SHISA6: variants seen among roughly 807,000 people sequenced by gnomAD.
SHISA6 encodes the protein shisa family member 6.
SHISA6 carries 22 observed loss-of-function variants against 47.9 expected under a neutral mutation model. That is an observed-to-expected ratio of 0.46 (90% CI 0.33 to 0.66). The LOEUF is 0.66. Ranked by LOEUF, SHISA6 falls within the 30% of genes least tolerant of loss-of-function variation. The probability of loss-of-function intolerance (pLI) is 0.02; values close to 1 mark genes in which losing one functional copy is unlikely to be tolerated. For missense variants in SHISA6, 680 were observed against 764.6 expected (o/e 0.89, Z 1.30); for synonymous variants, 388 against 337.8 (o/e 1.15, Z -1.63).
intron 2 of SHISA6, among the ~76,000 whole-genome samples, chr17:11,362,258 G>A (rs1342920935): frequency 1.3e-5 from 2 of 152,042 alleles, no homozygotes; most frequent in African/African-American, 4.8e-5. Flanking sequence ...TCCTGCCCAA[G>A]CCTCCTGAGT....
chr17:11,511,643 A>G (rs2071542656), intron 3 of SHISA6, among the ~76,000 whole-genome samples: 1 of 152,110 alleles, frequency 6.6e-6, no homozygotes, highest in African/African-American at 2.4e-5. Context: ...TGTTATCTAC[A>G]TTTTCAAAGC....
rs1159648786 is a variant in SHISA6 at position 11,263,367 on chromosome 17, G to C, written c.640G>C (p.Ala214Pro). The C allele has an allele frequency of 6.4e-7, 1 of 1,551,900 alleles. No homozygotes were observed. The highest frequency in any genetic ancestry group is 1.4e-5 in the African/African-American group (1 of 72,968). The change falls in exon 2 of 6, where the codon GCT (alanine) becomes CCT (proline). Residue 214 changes from alanine (A) to proline (P), a missense_variant and splice_region_variant. Ala to Pro is a conservative substitution (Grantham distance 27). Transcript: ENST00000441885. Reference sequence around the variant, plus strand: ...TTATGTGATCTCCTCCTTGTTTAGGGCTCTGGCTGACATCTTAAGACAACA... The same window carrying C: ...TTATGTGATCTCCTCCTTGTTTAGGCCTCTGGCTGACATCTTAAGACAACA... ...RPPREMNIHR[A>P]LADILRQQGP...
At chr17:11,319,660 T>A (rs563568485) in intron 2 of SHISA6, among the ~76,000 whole-genome samples, 1 of 152,310 alleles carries the variant, frequency 6.6e-6, no homozygotes, top group East Asian at 1.9e-4. Flanking sequence ...TGAAAGAAAA[T>A]GATAACATAG....
At chr17:11,375,215 T>C (rs1912760842) in intron 2 of SHISA6, among the ~76,000 whole-genome samples, 1 of 152,212 alleles carries the variant, frequency 6.6e-6, no homozygotes, top group African/African-American at 2.4e-5. Flanking sequence ...AGAAAAACTA[T>C]TAACTTGTAA....
chr17:11,426,596 A>G (rs1341121649), intron 3 of SHISA6, among the ~76,000 whole-genome samples: 1 of 152,206 alleles, frequency 6.6e-6, no homozygotes, highest in Non-Finnish European at 1.5e-5. Context: ...GATTGTGTAA[A>G]CCATTTATTG....
intron 3 of SHISA6, among the ~76,000 whole-genome samples, chr17:11,544,647 GT>G (rs1295835159): frequency 2.0e-5 from 3 of 152,136 alleles, no homozygotes; most frequent in Non-Finnish European, 4.4e-5. Flanking sequence ...ATGGAAAACA[GT>G]TTGGAAGATT....
chr17:11,550,167 G>A (rs1245640861), intron 3 of SHISA6, among the ~76,000 whole-genome samples: 1 of 151,882 alleles, frequency 6.6e-6, no homozygotes, highest in Admixed American at 6.6e-5. Flanking sequence ...TGATTCTCCT[G>A]CCTCAGCCTC....
chr17:11,265,063 A>T (rs1302932458), intron 2 of SHISA6, among the ~76,000 whole-genome samples: 1 of 152,166 alleles, frequency 6.6e-6, no homozygotes, highest in Non-Finnish European at 1.5e-5. Context: ...CAATAGAAGG[A>T]ATCTTGGCAA....
chr17:11,302,019 A>C (rs1909945767), intron 2 of SHISA6, among the ~76,000 whole-genome samples: 1 of 151,966 alleles, frequency 6.6e-6, no homozygotes, highest in Non-Finnish European at 1.5e-5. Flanking sequence ...AAAAACGGAA[A>C]CCCCTGATAA....
At chr17:11,285,839 T>A (rs180960059) in intron 2 of SHISA6, among the ~76,000 whole-genome samples, 2 of 143,578 alleles carry the variant, frequency 1.4e-5, no homozygotes, top group African/African-American at 5.4e-5. Flanking sequence ...CTCTCTCTCT[T>A]TTTTTTTTTT....
At chr17:11,310,702 C>T (rs113648026) in intron 2 of SHISA6, among the ~76,000 whole-genome samples, 3 of 152,056 alleles carry the variant, frequency 2.0e-5, no homozygotes, top group East Asian at 1.9e-4. Context: ...GGGCTGGGCG[C>T]GGTGGCTCAT....
chr17:11,409,501 C>T (rs1451908101), intron 3 of SHISA6, among the ~76,000 whole-genome samples: 2 of 151,716 alleles, frequency 1.3e-5, no homozygotes, highest in East Asian at 1.9e-4. Flanking sequence ...GTCAGGAGTT[C>T]CAGACCAGCC....
intron 2 of SHISA6, among the ~76,000 whole-genome samples, chr17:11,361,607 A>G (rs1250271999): frequency 6.6e-6 from 1 of 152,214 alleles, no homozygotes; most frequent in Non-Finnish European, 1.5e-5. Flanking sequence ...TGTTTTGCTT[A>G]CCCAGTTGAT....
chr17:11,459,037 C>A (rs1474444763), intron 3 of SHISA6, among the ~76,000 whole-genome samples: 1 of 145,246 alleles, frequency 6.9e-6, no homozygotes. Flanking sequence ...CGGTGAAACC[C>A]CGTCTCTACT....
At chr17:11,436,604 G>T (rs1468303302) in intron 3 of SHISA6, among the ~76,000 whole-genome samples, 1 of 152,012 alleles carries the variant, frequency 6.6e-6, no homozygotes, top group Non-Finnish European at 1.5e-5. Flanking sequence ...TGTTTAATGT[G>T]CTTTTTCTGC....
At chr17:11,540,317 C>T (rs762209635) in intron 3 of SHISA6, among the ~76,000 whole-genome samples, 7 of 152,114 alleles carry the variant, frequency 4.6e-5, no homozygotes, top group Non-Finnish European at 1.0e-4. Context: ...ATGGGGAATC[C>T]CCAAAAGAGA....
intron 2 of SHISA6, among the ~76,000 whole-genome samples, chr17:11,355,262 G>A (rs148851659): frequency 0.015 from 2,293 of 152,280 alleles, 32 homozygotes; most frequent in African/African-American, 0.043. Context: ...CTGAGAAGCT[G>A]TTCCATCAAA....
intron 2 of SHISA6, among the ~76,000 whole-genome samples, chr17:11,317,864 T>C (rs1407941670): frequency 6.6e-6 from 1 of 152,012 alleles, no homozygotes; most frequent in African/African-American, 2.4e-5. Context: ...TTGTTAACTT[T>C]TTTTATTATA....
At chr17:11,278,858 T>A (rs1597436781) in intron 2 of SHISA6, among the ~76,000 whole-genome samples, 1 of 152,114 alleles carries the variant, frequency 6.6e-6, no homozygotes, top group African/African-American at 2.4e-5. Flanking sequence ...AGAATTAGAT[T>A]AAAGGAAATG....
Sources: allele counts gnomAD v4.1 joint callset (sites outside exome capture counted in the v4.1 genomes callset), GRCh38; gene constraint gnomAD v4.1.1; transcripts MANE v1.5; gene names NCBI Gene and HGNC (gene_info 2026-07-23, HGNC 2026-07-21).